Variants in ROBO2 observed in about 807,000 individuals in gnomAD.
ROBO2 encodes the protein roundabout homolog 2.
In ROBO2, 53 loss-of-function variants were observed where a neutral mutation model predicts 160.8. The observed-to-expected ratio is 0.33, with a 90% CI of 0.26 to 0.41. The LOEUF (loss-of-function observed/expected upper bound fraction) is 0.41, where lower values mean the gene tolerates loss of function less well. Ranked by LOEUF, ROBO2 falls within the 10% of genes least tolerant of loss-of-function variation. The pLI, the probability that ROBO2 is intolerant of heterozygous loss-of-function variation, is 1.00. For missense variants in ROBO2, 1,577 were observed against 1,722.4 expected (o/e 0.92, Z 1.49); for synonymous variants, 664 against 611.7 (o/e 1.09, Z -1.26).
At chr3:76,670,738 A>T (rs2092233486) in intron 2 of ROBO2, among the ~76,000 whole-genome samples, 1 of 151,824 alleles carries the variant, frequency 6.6e-6, no homozygotes, top group Admixed American at 6.6e-5. Context: ...AAAAATGGTT[A>T]TTTTACCCTT....
In ROBO2 at chr3:77,493,285, C is replaced by G; in HGVS notation, c.709C>G (p.Leu237Val). Reference sequence around the variant, plus strand: ...CAGGAGGCCAATTAACCAGGTGGTACTGGAGGAAGAAGCTGTAGAATTTCG... The same window carrying G: ...CAGGAGGCCAATTAACCAGGTGGTAGTGGAGGAAGAAGCTGTAGAATTTCG... Residue 237 changes from leucine to valine, a missense_variant, in exon 5 of 26, where the codon CTG (leucine) becomes GTG (valine). By Grantham distance (32) the Leu-to-Val change is conservative. This residue lies in a region of ROBO2 where 940 missense variants were observed against 1,135.5 expected (regional missense o/e 0.83). Transcript: ENST00000461745. The G allele has an allele frequency of 6.2e-7, 1 of 1,613,598 alleles. No homozygotes were observed. Among genetic ancestry groups the G allele is most frequent in the Non-Finnish European group, 8.5e-7 (1 of 1,179,872 alleles).
intron 2 of ROBO2, among the ~76,000 whole-genome samples, chr3:76,930,048 GA>G (rs2077238293): frequency 6.6e-6 from 1 of 152,016 alleles, no homozygotes; most frequent in Non-Finnish European, 1.5e-5. Context: ...TTTCGAGACA[GA>G]TTCTTGCTCT....
intron 2 of ROBO2, among the ~76,000 whole-genome samples, chr3:76,704,908 G>T (rs1329545512): frequency 6.6e-6 from 1 of 152,012 alleles, no homozygotes; most frequent in Non-Finnish European, 1.5e-5. Flanking sequence ...AATTTATTTT[G>T]CATCTAAAAA....
intron 2 of ROBO2, among the ~76,000 whole-genome samples, chr3:77,284,682 C>T (rs531329177): frequency 6.6e-6 from 1 of 152,198 alleles, no homozygotes; most frequent in South Asian, 2.1e-4. Flanking sequence ...TTGCCTTCTT[C>T]TTTGCTGTTT....
intron 2 of ROBO2, among the ~76,000 whole-genome samples, chr3:77,456,977 G>A (rs1267450991): frequency 6.6e-6 from 1 of 152,076 alleles, no homozygotes; most frequent in East Asian, 1.9e-4. Flanking sequence ...GGGTACCAAA[G>A]GATTATTTGT....
chr3:77,617,836 A>C lies in ROBO2; in HGVS notation c.3554+63A>C, dbSNP rs1393982419. 3.8e-6 allele frequency: 6 copies of C among 1,559,124 alleles called. No homozygotes were observed. The African/African-American group carries it at 8.1e-5, about 21-fold the overall frequency. Reference sequence around the variant, plus strand: ...AACACATGGAAATTTTTTTCAGAATAAATTCACAAGAGATTCTGATAGAAC... The same window carrying C: ...AACACATGGAAATTTTTTTCAGAATCAATTCACAAGAGATTCTGATAGAAC... On this transcript the variant is annotated intron_variant, in intron 22 of 25. Coordinates refer to ENST00000461745, the Ensembl canonical transcript of ROBO2.
At chr3:77,592,224 A>G (rs1298370238) in intron 17 of ROBO2, among the ~76,000 whole-genome samples, 1 of 152,154 alleles carries the variant, frequency 6.6e-6, no homozygotes, top group Non-Finnish European at 1.5e-5. Flanking sequence ...GAACCTTTTT[A>G]AGGTCATCAA....
At chr3:77,348,544 G>C (rs1345251681) in intron 2 of ROBO2, among the ~76,000 whole-genome samples, 1 of 152,124 alleles carries the variant, frequency 6.6e-6, no homozygotes, top group African/African-American at 2.4e-5. Context: ...ATGACTAACT[G>C]TATGGGAATA....
chr3:77,100,635 C>A (rs2071784088), intron 2 of ROBO2, among the ~76,000 whole-genome samples: 1 of 151,940 alleles, frequency 6.6e-6, no homozygotes, highest in Non-Finnish European at 1.5e-5. Flanking sequence ...AGGCGGATAT[C>A]CACTGAAAGA....
At chr3:76,738,531 C>T (rs1305502675) in intron 2 of ROBO2, among the ~76,000 whole-genome samples, 1 of 152,144 alleles carries the variant, frequency 6.6e-6, no homozygotes, top group African/African-American at 2.4e-5. Context: ...CACTTGTCCC[C>T]TGGAGGAGGG....
intron 2 of ROBO2, among the ~76,000 whole-genome samples, chr3:75,994,363 G>A (rs2065665749): frequency 6.6e-6 from 1 of 152,170 alleles, no homozygotes; most frequent in Non-Finnish European, 1.5e-5. Flanking sequence ...ATGTCAACTT[G>A]TATTTTAATT....
chr3:76,640,424 G>A (rs1174627576), intron 2 of ROBO2, among the ~76,000 whole-genome samples: 2 of 152,002 alleles, frequency 1.3e-5, no homozygotes, highest in South Asian at 2.1e-4. Flanking sequence ...CCAGCTACTC[G>A]GGAGGCTAAG....
intron 2 of ROBO2, among the ~76,000 whole-genome samples, chr3:76,964,226 G>T (rs1257066895): frequency 6.6e-6 from 1 of 152,158 alleles, no homozygotes; most frequent in Non-Finnish European, 1.5e-5. Flanking sequence ...ATAGTACTGG[G>T]ATTGGAATCA....
intron 1 of ROBO2, among the ~76,000 whole-genome samples, chr3:77,046,240 A>C (rs2064656076): frequency 6.6e-6 from 1 of 152,164 alleles, no homozygotes. Flanking sequence ...TTTTCTTTTA[A>C]TTGATCATGG....
rs555574766 is a variant in ROBO2 at position 77,289,883 on chromosome 3, C to T, written c.389-187531C>T. Among the ~76,000 whole-genome samples, 7 of 136,338 alleles carry T rather than the reference C, an allele frequency of 5.1e-5. No individual in the cohort carries two copies. In the South Asian group the frequency reaches 9.7e-4, roughly 19 times the overall value. The allele number at this position is 136,338 out of a possible 152,430, so 89.4% of individuals were successfully genotyped here. On this transcript the variant is annotated intron_variant, in intron 2 of 25. Coordinates refer to ENST00000461745, the Ensembl canonical transcript of ROBO2. The stretch of plus-strand genomic sequence containing the variant: ...ACATAAAGTAAAATTAATGGTAAAA[C>T]GGGAAGTTGAGCCTAGATCCCTAAA...
At chr3:77,401,263 TA>T (rs5850329) in intron 2 of ROBO2, among the ~76,000 whole-genome samples, 36 of 147,698 alleles carry the variant, frequency 2.4e-4, no homozygotes, top group East Asian at 5.9e-4. Flanking sequence ...TGTTTGTATT[TA>T]AAAAAAAAAA....
intron 2 of ROBO2, among the ~76,000 whole-genome samples, chr3:76,643,268 G>A (rs1447365859): frequency 2.0e-5 from 3 of 152,074 alleles, no homozygotes; most frequent in Non-Finnish European, 2.9e-5. Context: ...TAGCAATTCA[G>A]CCAAAAGAAG....
chr3:76,658,392 T>A (rs2091671182), intron 2 of ROBO2, among the ~76,000 whole-genome samples: 1 of 152,056 alleles, frequency 6.6e-6, no homozygotes, highest in African/African-American at 2.4e-5. Context: ...AACATGCAGG[T>A]TTGTTACATA....
At chr3:77,491,954 A>C (rs1002174553) in intron 4 of ROBO2, among the ~76,000 whole-genome samples, 1 of 152,122 alleles carries the variant, frequency 6.6e-6, no homozygotes, top group Non-Finnish European at 1.5e-5. Context: ...ATAAATATGG[A>C]TCTTGATTTA....
Sources: allele counts gnomAD v4.1 joint callset (sites outside exome capture counted in the v4.1 genomes callset), GRCh38; gene constraint gnomAD v4.1.1; regional missense constraint gnomAD v4.1.1; transcripts MANE v1.5; gene names NCBI Gene and HGNC (gene_info 2026-07-23, HGNC 2026-07-21).